The following PTPRN2 variants were observed in gnomAD, a reference collection of about 807,000 sequenced individuals.
PTPRN2 encodes the protein protein tyrosine phosphatase receptor type N2.
In PTPRN2, 74 loss-of-function variants were observed where a neutral mutation model predicts 118.8. The ratio of observed to expected loss-of-function variants is 0.62; its 90% CI spans 0.52 to 0.76. PTPRN2 has a LOEUF of 0.76. Ranked by LOEUF, PTPRN2 falls within the 30% of genes least tolerant of loss-of-function variation. PTPRN2 has a pLI of 0.00. For synonymous variants in PTPRN2, 641 were observed against 608.0 expected (o/e 1.05, Z -0.80); for missense variants, 1,481 against 1,394.4 (o/e 1.06, Z -0.99).
intron 12 of PTPRN2, among the ~76,000 whole-genome samples, chr7:157,778,286 C>T (rs547562193): frequency 3.9e-5 from 6 of 152,242 alleles, no homozygotes; most frequent in South Asian, 2.1e-4. Flanking sequence ...ATACAGGTGT[C>T]GAATGCCCAC....
At chr7:158,192,208 C>T (rs1403196259) in intron 5 of PTPRN2, 119 bp downstream of exon 5, 13 of 1,208,510 alleles carry the variant, frequency 1.1e-5, no homozygotes, top group Middle Eastern at 2.9e-4. Flanking sequence ...ACAGGATGCC[C>T]GCTGGCCCGG....
intron 11 of PTPRN2, among the ~76,000 whole-genome samples, chr7:157,969,210 A>G (rs1220411710): frequency 6.6e-6 from 1 of 152,076 alleles, no homozygotes; most frequent in African/African-American, 2.4e-5. Flanking sequence ...CCCAGGCTAA[A>G]GCGATCTGCC....
rs1303985113 is a variant in PTPRN2 at position 158,085,840 on chromosome 7, T to C, written c.1644-4463A>G. ...CACCCACGATGCCCATCCACACCCATGACGCCCATCCACACCCACGACGCC... is the reference window on the plus strand; with the variant it reads ...CACCCACGATGCCCATCCACACCCACGACGCCCATCCACACCCACGACGCC... On this transcript the variant is annotated intron_variant, in intron 10 of 22. Coordinates refer to ENST00000389418, the MANE Select transcript of PTPRN2 (RefSeq NM_002847.5). Among the ~76,000 whole-genome samples the C allele has an allele frequency of 6.0e-3, 405 of 67,730 alleles. 4 individuals carry two copies. Among genetic ancestry groups the C allele is most frequent in the African/African-American group, 0.018 (317 of 17,770 alleles). 44.4% of individuals were successfully genotyped at this position (67,730 alleles called of 152,430 possible).
At chr7:158,293,893 A>G (rs1286968463) in intron 3 of PTPRN2, among the ~76,000 whole-genome samples, 1 of 152,222 alleles carries the variant, frequency 6.6e-6, no homozygotes, top group Non-Finnish European at 1.5e-5. Flanking sequence ...ATGTGGGGCC[A>G]TCATCTCCTA....
At chr7:157,580,580 C>T in intron 17 of PTPRN2, among the ~76,000 whole-genome samples, 2 of 148,502 alleles carry the variant, frequency 1.3e-5, no homozygotes, top group African/African-American at 2.5e-5. Context: ...ATCCGAGCCC[C>T]TGCACACCCC....
chr7:158,369,927 G>A (rs1376629749), intron 2 of PTPRN2, among the ~76,000 whole-genome samples: 1 of 152,224 alleles, frequency 6.6e-6, no homozygotes, highest in Non-Finnish European at 1.5e-5. Context: ...GACTGAGAAG[G>A]AAGTCTGTGA....
intron 15 of PTPRN2, chr7:157,613,900 G>A: frequency 2.5e-6 from 1 of 394,600 alleles, no homozygotes; most frequent in Non-Finnish European, 5.3e-6. Context: ...CCTCGGCGCT[G>A]CTATCCGGAC....
intron 11 of PTPRN2, among the ~76,000 whole-genome samples, chr7:157,906,739 G>A (rs987173180): frequency 9.2e-5 from 14 of 152,180 alleles, no homozygotes; most frequent in African/African-American, 3.4e-4. Flanking sequence ...GGCACACGCT[G>A]TTCTCCCAGG....
chr7:158,522,577 C>T (rs572045729), intron 1 of PTPRN2, among the ~76,000 whole-genome samples: 25 of 152,310 alleles, frequency 1.6e-4, no homozygotes, highest in Non-Finnish European at 2.6e-4. Flanking sequence ...TACAGCGAAT[C>T]GCTCTCTGTA....
Position 158,316,694 on chromosome 7 carries a change from G to A in PTPRN2, c.277+125C>T, listed in dbSNP as rs182204470. 2.2e-5 allele frequency: 15 copies of A among 695,786 alleles called. No homozygotes were observed. The African/African-American group carries it at 2.3e-4, about 11-fold the overall frequency. The allele number at this position is 695,786 out of a possible 1,614,324, so 43.1% of individuals were successfully genotyped here. A position where few individuals can be genotyped will look rare whatever the true frequency, so the allele number is the denominator to read the frequency against. On this transcript the variant is annotated intron_variant, in intron 3 of 22. Transcript: ENST00000389418. The stretch of plus-strand genomic sequence containing the variant: ...TGAGCCCAGCGCCCGGCTCCCACCT[G>A]CCCCTTCCACCACCACACTCGTGGA...
In PTPRN2 at chr7:157,653,752, A is replaced by AGGCCCAC. The variant is rs1410440122; in HGVS notation, c.2196+2598_2196+2604dup. On this transcript the variant is annotated intron_variant, in intron 14 of 22. Coordinates refer to ENST00000389418, the MANE Select transcript of PTPRN2 (RefSeq NM_002847.5). ...GAGTGAGAGGAGACGCCAGGGTCCA[A>AGGCCCAC]GGCCCACGTCTGGCCCACTTGGTTG... Among the ~76,000 whole-genome samples, 3 of 152,042 alleles carry AGGCCCAC rather than the reference A, an allele frequency of 2.0e-5. No homozygotes were observed. In the East Asian group the frequency reaches 5.8e-4, roughly 29 times the overall value.
At chr7:157,636,938 C>T (rs1804356991) in intron 14 of PTPRN2, among the ~76,000 whole-genome samples, 1 of 152,110 alleles carries the variant, frequency 6.6e-6, no homozygotes. Flanking sequence ...TCTTCTAAGC[C>T]TTTGATGAGG....
chr7:158,412,471 G>A (rs1172636748), intron 2 of PTPRN2, among the ~76,000 whole-genome samples: 5 of 77,798 alleles, frequency 6.4e-5, no homozygotes, highest in South Asian at 6.7e-4. Flanking sequence ...GCCCTCCTCA[G>A]CACCAGGGCC....
chr7:158,132,747 TAC>T (rs1484605063), intron 9 of PTPRN2, among the ~76,000 whole-genome samples: 2 of 145,644 alleles, frequency 1.4e-5, no homozygotes, highest in African/African-American at 2.7e-5. Flanking sequence ...ACATACACTA[TAC>T]ACACACGCAC....
rs1365992717 is a variant in PTPRN2, at chr7:157,609,181, G to A, written c.2345-5106C>T. Among the ~76,000 whole-genome samples the A allele has an allele frequency of 6.6e-6, 1 of 152,110 alleles. No homozygotes were observed. The highest frequency in any genetic ancestry group is 2.4e-5 in the African/African-American group (1 of 41,416). On this transcript the variant is annotated intron_variant, in intron 15 of 22. Transcript: ENST00000389418. The surrounding 1 kb of genome is among the most constrained non-coding windows in gnomAD (Gnocchi z 4.9). ...GTGGATCACCTGAGGTCAGGAGTTC[G>A]AGACCAGTCTGGCCAAAGTGGCAAA...
rs553679353 is a variant in PTPRN2 at position 157,826,243 on chromosome 7, C to T, written c.1788+72430G>A. 4.9e-3 allele frequency among the ~76,000 whole-genome samples: 653 copies of T among 132,614 alleles called. 10 individuals carry two copies. The highest frequency in any genetic ancestry group is 0.017 in the African/African-American group (574 of 34,170). 87.0% of individuals were successfully genotyped at this position (132,614 alleles called of 152,430 possible). Reference sequence around the variant, plus strand: ...CACAATCGCGAGCGCCATTTCCACGCGTGCTGTGCAAAGACGGCAGCACGA... The same window carrying T: ...CACAATCGCGAGCGCCATTTCCACGTGTGCTGTGCAAAGACGGCAGCACGA... On this transcript the variant is annotated intron_variant, in intron 12 of 22. Coordinates refer to ENST00000389418, the MANE Select transcript of PTPRN2 (RefSeq NM_002847.5).
intron 11 of PTPRN2, among the ~76,000 whole-genome samples, chr7:158,065,521 G>GGCTAAC (rs1810702208): frequency 6.6e-6 from 1 of 152,224 alleles, no homozygotes; most frequent in Non-Finnish European, 1.5e-5. Flanking sequence ...AAGGGCCCTG[G>GGCTAAC]GCTAACGGGC....
At chr7:157,860,111 G>A (rs1810116864) in intron 12 of PTPRN2, among the ~76,000 whole-genome samples, 1 of 152,254 alleles carries the variant, frequency 6.6e-6, no homozygotes, top group Non-Finnish European at 1.5e-5. Flanking sequence ...GGAGCAGAGT[G>A]GGGACAGCCT....
At chr7:158,257,567 C>T (rs1369922298) in intron 3 of PTPRN2, among the ~76,000 whole-genome samples, 5 of 152,190 alleles carry the variant, frequency 3.3e-5, no homozygotes, top group Admixed American at 6.5e-5. Flanking sequence ...TGGTGCTGGA[C>T]GACCCCGAGC....
Sources: allele counts gnomAD v4.1 joint callset (sites outside exome capture counted in the v4.1 genomes callset), GRCh38; gene constraint gnomAD v4.1.1; non-coding constraint Gnocchi (gnomAD v3.1); transcripts MANE v1.5; gene names NCBI Gene and HGNC (gene_info 2026-07-23, HGNC 2026-07-21).